Variants in NLK observed in about 807,000 individuals in gnomAD.
NLK encodes the protein nemo like kinase, also known as serine/threonine-protein kinase NLK.
NLK carries 11 observed loss-of-function variants against 59.0 expected under a neutral mutation model. The observed-to-expected ratio is 0.19, with a 90% confidence interval of 0.12 to 0.31. The LOEUF (loss-of-function observed/expected upper bound fraction) is 0.31. Among genes scored for constraint, NLK ranks in the 10% least tolerant of loss-of-function variants. NLK has a pLI of 1.00. For missense variants in NLK, 410 were observed against 661.1 expected, an observed-to-expected ratio of 0.62 and a Z score of 4.16; for synonymous variants, 235 against 235.9, an observed-to-expected ratio of 1.00 and a Z score of 0.03.
chr17:28,185,943 C>G (rs1042965152), intron 8 of NLK, among the ~76,000 whole-genome samples: 5 of 152,160 alleles, frequency 3.3e-5, no homozygotes, highest in Non-Finnish European at 5.9e-5. Flanking sequence ...TCCCAATACC[C>G]TTTCTGGACT....
downstream of NLK, among the ~76,000 whole-genome samples, chr17:28,196,642 G>A (rs1313642683): frequency 6.6e-6 from 1 of 152,158 alleles, no homozygotes; most frequent in African/African-American, 2.4e-5. Flanking sequence ...CTCTAATCCA[G>A]TGGTTTTCAA....
At chr17:28,118,142 C>T (rs1286263494) in intron 1 of NLK, among the ~76,000 whole-genome samples, 1 of 151,966 alleles carries the variant, frequency 6.6e-6, no homozygotes, top group African/African-American at 2.4e-5. Context: ...AATCTAAATA[C>T]AAGTAAAAAT....
chr17:28,130,175 T>C (rs1906459136), intron 2 of NLK, among the ~76,000 whole-genome samples: 1 of 152,218 alleles, frequency 6.6e-6, no homozygotes, highest in African/African-American at 2.4e-5. Context: ...TCTCACATAC[T>C]TTATTCCCTC....
chr17:28,151,602 T>C (rs1385312079), intron 3 of NLK, among the ~76,000 whole-genome samples: 1 of 152,168 alleles, frequency 6.6e-6, no homozygotes, highest in African/African-American at 2.4e-5. Context: ...GGGAAAGCAT[T>C]TCTGCACAAG....
chr17:28,121,294 A>G (rs1024338151), intron 1 of NLK, among the ~76,000 whole-genome samples: 10 of 151,866 alleles, frequency 6.6e-5, no homozygotes, highest in Non-Finnish European at 1.5e-5. Flanking sequence ...GCTGAACGAT[A>G]ATAGCTGAGA....
intron 1 of NLK, among the ~76,000 whole-genome samples, chr17:28,080,127 T>TTG (rs993622458): frequency 6.6e-6 from 1 of 152,032 alleles, no homozygotes; most frequent in Non-Finnish European, 1.5e-5. Flanking sequence ...TTGTGCATGT[T>TTG]TGTGTGTGTG....
intron 1 of NLK, among the ~76,000 whole-genome samples, chr17:28,069,579 G>T (rs892119038): frequency 6.6e-6 from 1 of 152,078 alleles, no homozygotes; most frequent in Non-Finnish European, 1.5e-5. Context: ...CATTTTAGTG[G>T]GTGTGAAGTA....
chr17:28,051,361 G>A (rs1221091132), intron 1 of NLK, among the ~76,000 whole-genome samples: 1 of 151,362 alleles, frequency 6.6e-6, no homozygotes, highest in African/African-American at 2.4e-5. Flanking sequence ...TCCTTGGGAA[G>A]GATTTTTTTT....
intron 7 of NLK, among the ~76,000 whole-genome samples, chr17:28,175,239 A>C (rs1224400955): frequency 6.6e-6 from 1 of 151,436 alleles, no homozygotes; most frequent in Non-Finnish European, 1.5e-5. Flanking sequence ...AGGTCAGGAG[A>C]TCGAGATCAT....
At chr17:28,171,184 T>G (rs2315539) in intron 6 of NLK, 1 of 152,214 alleles carries the variant, frequency 6.6e-6, no homozygotes, top group Non-Finnish European at 1.5e-5. Context: ...CAAAAAGCTT[T>G]GTATAGAGAT....
intron 1 of NLK, among the ~76,000 whole-genome samples, chr17:28,087,854 A>G (rs912072674): frequency 2.6e-5 from 4 of 151,568 alleles, no homozygotes; most frequent in African/African-American, 9.8e-5. Context: ...GTTGGGCTTT[A>G]GACATGTCAC....
intron 2 of NLK, among the ~76,000 whole-genome samples, chr17:28,131,586 TAAAAAAAAAAA>T (rs35804817): frequency 1.7e-4 from 14 of 83,718 alleles, no homozygotes; most frequent in East Asian, 3.3e-4. Flanking sequence ...TTCTCTGTAG[TAAAAAAAAAAA>T]AAAAAAAAAA....
chr17:28,115,137 A>T (rs1391283518), intron 1 of NLK, among the ~76,000 whole-genome samples: 4 of 152,206 alleles, frequency 2.6e-5, no homozygotes, highest in Admixed American at 2.6e-4. Flanking sequence ...AGCTACTGCT[A>T]TAAGAAGGTA....
chr17:28,078,945 G>A (rs1031263842), intron 1 of NLK, among the ~76,000 whole-genome samples: 2 of 152,092 alleles, frequency 1.3e-5, no homozygotes, highest in African/African-American at 4.8e-5. Context: ...CAGTATAGTT[G>A]TGTTAACTAT....
chr17:28,133,225 A>G (rs949886122), intron 3 of NLK, among the ~76,000 whole-genome samples: 3 of 152,168 alleles, frequency 2.0e-5, no homozygotes, highest in Non-Finnish European at 4.4e-5. Context: ...TGTTTATTTA[A>G]TCCTACAAAC....
chr17:28,077,073 CTTTTTTTTTT>C (rs35639099), intron 1 of NLK, among the ~76,000 whole-genome samples: 4 of 42,490 alleles, frequency 9.4e-5, no homozygotes, highest in Non-Finnish European at 1.3e-4. Context: ...CTCTTTCTTT[CTTTTTTTTTT>C]TTTTTTTTTT....
intron 7 of NLK, among the ~76,000 whole-genome samples, chr17:28,175,174 G>A (rs888722074): frequency 1.3e-5 from 2 of 151,758 alleles, no homozygotes; most frequent in African/African-American, 4.8e-5. Context: ...AGCCGGGCGC[G>A]GCGGCTCACA....
In NLK at chr17:28,196,089, A is replaced by T. The variant is rs1909476492; in HGVS notation, c.*1453A>T. The T allele has an allele frequency of 6.6e-6, 1 of 152,660 alleles. No homozygotes were observed. The highest frequency in any genetic ancestry group is 1.5e-5 in the Non-Finnish European group (1 of 68,042). 9.5% of individuals were successfully genotyped at this position (152,660 alleles called of 1,614,324 possible). A position where few individuals can be genotyped will look rare whatever the true frequency, so the allele number is the denominator to read the frequency against. On this transcript the variant is annotated 3_prime_UTR_variant, in exon 11 of 11. Coordinates refer to ENST00000407008, the MANE Select transcript of NLK (RefSeq NM_016231.5). ...TTAATAAGTTATGTTTGGAAGTTTT[A>T]ACTTCAATGAAGTAATTATTTGCTG... is the stretch of plus-strand genomic sequence containing the variant.
At chr17:28,109,160 G>C (rs931161890) in intron 1 of NLK, among the ~76,000 whole-genome samples, 1 of 150,458 alleles carries the variant, frequency 6.6e-6, no homozygotes, top group Non-Finnish European at 1.5e-5. Flanking sequence ...AACACAGCGA[G>C]ACTTCGTCTC....
Sources: gnomAD v4.1 joint callset for allele counts (sites outside exome capture counted in the v4.1 genomes callset) on GRCh38, gnomAD v4.1.1 for gene constraint, MANE v1.5 for transcripts, NCBI Gene and HGNC (gene_info 2026-07-23, HGNC 2026-07-21) for gene names.